The following IGSF21 variants were observed in gnomAD, a reference collection of about 807,000 sequenced individuals.
The protein encoded by IGSF21 is immunoglobulin superfamily member 21.
In IGSF21, 28 loss-of-function variants were observed where a neutral mutation model predicts 46.8. The ratio of observed to expected loss-of-function variants is 0.60; its 90% confidence interval spans 0.44 to 0.82. IGSF21 has a LOEUF of 0.82. IGSF21 is among the 40% of genes least tolerant of loss of function. The probability of loss-of-function intolerance (pLI) is 0.00; values close to 1 mark genes in which losing one functional copy is unlikely to be tolerated. For missense variants in IGSF21, 624 were observed against 665.5 expected (o/e 0.94, Z 0.69); for synonymous variants, 284 against 273.6 (o/e 1.04, Z -0.38).
chr1:18,167,179 G>A (rs1007656161), intron 1 of IGSF21, among the ~76,000 whole-genome samples: 5 of 152,180 alleles, frequency 3.3e-5, no homozygotes, highest in South Asian at 2.1e-4. Flanking sequence ...CTGCTGGCAC[G>A]GATCGCAGAG....
At chr1:18,132,334 T>C (rs533433937) in intron 1 of IGSF21, among the ~76,000 whole-genome samples, 1 of 152,342 alleles carries the variant, frequency 6.6e-6, no homozygotes, top group Admixed American at 6.5e-5. Context: ...GGATTTATGG[T>C]CAGCCCTGTG....
At chr1:18,191,335 A>G (rs1398855360) in intron 1 of IGSF21, among the ~76,000 whole-genome samples, 2 of 152,120 alleles carry the variant, frequency 1.3e-5, no homozygotes, top group African/African-American at 2.4e-5. Context: ...TGCCTTACAA[A>G]CTGTGAAGTC....
chr1:18,252,766 G>C (rs1267815131), intron 2 of IGSF21, among the ~76,000 whole-genome samples: 1 of 152,122 alleles, frequency 6.6e-6, no homozygotes, highest in African/African-American at 2.4e-5. Flanking sequence ...CGGGGGCCGG[G>C]GGTACAAAGA....
At chr1:18,231,649 A>G (rs1281753190) in intron 2 of IGSF21, among the ~76,000 whole-genome samples, 2 of 152,198 alleles carry the variant, frequency 1.3e-5, no homozygotes, top group Non-Finnish European at 2.9e-5. Context: ...CCTCAGTCAG[A>G]CTAGCCACAT....
chr1:18,345,136 G>A (rs1001684834), intron 4 of IGSF21, among the ~76,000 whole-genome samples: 1 of 152,176 alleles, frequency 6.6e-6, no homozygotes, highest in Non-Finnish European at 1.5e-5. Flanking sequence ...CTCTCCCTCT[G>A]CCTGCACTCC....
intron 2 of IGSF21, among the ~76,000 whole-genome samples, chr1:18,282,910 C>T (rs564096898): frequency 5.9e-5 from 9 of 152,346 alleles, no homozygotes; most frequent in East Asian, 1.9e-4. Flanking sequence ...TGTACAGCCT[C>T]GTAGGCAGCC....
chr1:18,177,401 G>GGGGATGGGGTCAGTGAGGTATA, intron 1 of IGSF21, among the ~76,000 whole-genome samples: 1 of 98,036 alleles, frequency 1.0e-5, no homozygotes, highest in Non-Finnish European at 2.7e-5. Context: ...AGGTGTGTGT[G>GGGGATGGGGTCAGTGAGGTATA]TGTGTGTGTG....
At chr1:18,226,843 G>A (rs1190924539) in intron 1 of IGSF21, among the ~76,000 whole-genome samples, 2 of 152,188 alleles carry the variant, frequency 1.3e-5, no homozygotes, top group Admixed American at 6.5e-5. Flanking sequence ...GACATCAGCC[G>A]GCAGGAAGCC....
At chr1:18,303,482 T>C (rs2085381587) in intron 3 of IGSF21, among the ~76,000 whole-genome samples, 1 of 152,150 alleles carries the variant, frequency 6.6e-6, no homozygotes, top group Non-Finnish European at 1.5e-5. Flanking sequence ...GGGTAGTGGC[T>C]TGCCTTGATC....
At chr1:18,360,956 T>C (rs1472637732) in intron 4 of IGSF21, among the ~76,000 whole-genome samples, 3 of 145,598 alleles carry the variant, frequency 2.1e-5, no homozygotes, top group African/African-American at 4.9e-5. Context: ...GCCCAGTCCC[T>C]GCCCCTTGCG....
intron 1 of IGSF21, among the ~76,000 whole-genome samples, chr1:18,189,516 G>A (rs2086935238): frequency 6.6e-6 from 1 of 152,004 alleles, no homozygotes; most frequent in African/African-American, 2.4e-5. Context: ...AATATATAAT[G>A]TAATAATTAT....
At chr1:18,177,217 T>A (rs2086807733) in intron 1 of IGSF21, among the ~76,000 whole-genome samples, 1 of 152,142 alleles carries the variant, frequency 6.6e-6, no homozygotes, top group African/African-American at 2.4e-5. Context: ...GCCTAGAGAA[T>A]CCAGAGTCAG....
intron 6 of IGSF21, 185 bp from the exon 7 acceptor site, chr1:18,376,125 T>G (rs1230801320): frequency 3.3e-6 from 2 of 609,710 alleles, no homozygotes; most frequent in Non-Finnish European, 6.1e-6. Flanking sequence ...ATTCATTGCA[T>G]GGGCTTAGGG....
At chr1:18,204,574 G>A (rs1308017535) in intron 1 of IGSF21, among the ~76,000 whole-genome samples, 1 of 152,190 alleles carries the variant, frequency 6.6e-6, no homozygotes, top group East Asian at 1.9e-4. Flanking sequence ...TGTGCTCAGA[G>A]GTGGAGGGGA....
intron 1 of IGSF21, among the ~76,000 whole-genome samples, chr1:18,207,258 C>T (rs1469195951): frequency 1.3e-5 from 2 of 152,182 alleles, no homozygotes; most frequent in Non-Finnish European, 2.9e-5. Context: ...GAGAAAACTT[C>T]CCACTTTTAA....
At chr1:18,294,743 G>C (rs566717699) in intron 3 of IGSF21, among the ~76,000 whole-genome samples, 1 of 152,220 alleles carries the variant, frequency 6.6e-6, no homozygotes, top group East Asian at 1.9e-4. Flanking sequence ...GAGCTGAGCC[G>C]TCCTGTTTGG....
rs1373865735 is a variant in IGSF21 at position 18,322,863 on chromosome 1, G to A, written c.306-12029G>A. ...GGAGAGGAAGCCGGTGGAGAAGAGC[G>A]GGAGATGTCGGAATGGGTGAAGGGG... is the stretch of plus-strand genomic sequence containing the variant. On this transcript the variant is annotated intron_variant, in intron 3 of 9. Transcript: ENST00000251296. The surrounding 1 kb of genome is among the most constrained non-coding windows in gnomAD (Gnocchi z 4.3). Among the ~76,000 whole-genome samples, 3 of 152,160 alleles carry A rather than the reference G, an allele frequency of 2.0e-5. No individual in the cohort carries two copies. Among genetic ancestry groups the A allele is most frequent in the Non-Finnish European group, 2.9e-5 (2 of 68,034 alleles).
chr1:18,283,902 TA>T (rs573302997), intron 2 of IGSF21, among the ~76,000 whole-genome samples: 27 of 151,682 alleles, frequency 1.8e-4, no homozygotes, highest in South Asian at 1.3e-3. Context: ...TTCATTCCTA[TA>T]AAAAAAAATG....
Position 18,287,393 on chromosome 1 carries a change from TCAAA to T in IGSF21, c.184-4452_184-4449del, listed in dbSNP as rs573424473. On this transcript the variant is annotated intron_variant, in intron 2 of 9. Transcript: ENST00000251296. ...GTTGGTGACAGAGCGAGACTCTGTC[TCAAA>T]CAAACAAACAAACAAACAAAACAAA... 4.2e-4 allele frequency among the ~76,000 whole-genome samples: 63 copies of T among 151,698 alleles called. No homozygotes were observed. In the South Asian group the frequency reaches 5.2e-3, roughly 13 times the overall value.
Sources: gnomAD v4.1 joint callset for allele counts (sites outside exome capture counted in the v4.1 genomes callset) on GRCh38, gnomAD v4.1.1 for gene constraint, Gnocchi (gnomAD v3.1) non-coding constraint, MANE v1.5 for transcripts, NCBI Gene and HGNC (gene_info 2026-07-23, HGNC 2026-07-21) for gene names.